Variants in BRINP3 observed in about 807,000 individuals in gnomAD.
The protein encoded by BRINP3 is BMP/retinoic acid inducible neural specific 3, also known as BMP/retinoic acid-inducible neural-specific protein 3.
Under a neutral mutation model 71.0 loss-of-function variants are expected in BRINP3, and 19 were observed. The observed-to-expected ratio is 0.27, with a 90% CI of 0.19 to 0.39. BRINP3 has a LOEUF of 0.39. Among genes scored for constraint, BRINP3 ranks in the 10% least tolerant of loss-of-function variants. The pLI is 1.00. For missense variants in BRINP3, 959 were observed against 940.8 expected, an observed-to-expected ratio of 1.02 and a Z score of -0.25; for synonymous variants, 380 against 337.7, an observed-to-expected ratio of 1.13 and a Z score of -1.37.
chr1:190,100,856 T>C (rs1452847906), intron 7 of BRINP3, among the ~76,000 whole-genome samples: 1 of 152,220 alleles, frequency 6.6e-6, no homozygotes, highest in Non-Finnish European at 1.5e-5. Flanking sequence ...TCCCCCAAAG[T>C]TCATGTGCTG....
chr1:190,376,756 C>A (rs1040320706), intron 2 of BRINP3, among the ~76,000 whole-genome samples: 1 of 151,950 alleles, frequency 6.6e-6, no homozygotes, highest in African/African-American at 2.4e-5. Flanking sequence ...ATAATCAAAT[C>A]CTTCTAAGTT....
In BRINP3 at chr1:190,131,187, T is replaced by G. The variant is rs867818095; in HGVS notation, c.1184+29481A>C. Among the ~76,000 whole-genome samples, 124 of 51,714 alleles carry G rather than the reference T, an allele frequency of 2.4e-3. No homozygotes were observed. The Middle Eastern group carries it at 0.074, about 31-fold the overall frequency. The allele number at this position is 51,714 out of a possible 152,430, so 33.9% of individuals were successfully genotyped here. ...AAGGTTATGTGTGTGTGGCGGGGGG[T>G]GGGGGGTGGGGGGACAGGGAAGCTA... On this transcript the variant is annotated intron_variant, in intron 7 of 7. Coordinates refer to ENST00000367462, the MANE Select transcript of BRINP3 (RefSeq NM_199051.3).
Position 190,097,929 on chromosome 1 carries a change from A to G in BRINP3, c.*89T>C, listed in dbSNP as rs2102229701. On this transcript the variant is annotated 3_prime_UTR_variant, in exon 8 of 8. Transcript: ENST00000367462. ...ATATAAGACAGATATTGAAAAGACA[A>G]TTTAAATTTACTCTTCCAAACATAA... 1 of 1,370,506 alleles carries G rather than the reference A, an allele frequency of 7.3e-7. No homozygotes were observed. The highest frequency in any genetic ancestry group is 9.9e-7 in the Non-Finnish European group (1 of 1,009,880). The allele number at this position is 1,370,506 out of a possible 1,614,324, so 84.9% of individuals were successfully genotyped here.
intron 1 of BRINP3, chr1:190,474,392 T>G (rs1677361528): frequency 6.6e-6 from 1 of 152,536 alleles, no homozygotes; most frequent in Non-Finnish European, 1.5e-5. Context: ...GTCAAGAAAA[T>G]ACATTCATTC....
At chr1:190,286,276 C>T (rs1053924015) in intron 2 of BRINP3, among the ~76,000 whole-genome samples, 2 of 152,148 alleles carry the variant, frequency 1.3e-5, no homozygotes, top group African/African-American at 4.8e-5. Flanking sequence ...TATCCCTACT[C>T]AGCTCATAAA....
At chr1:190,256,927 C>T (rs1227777487) in intron 4 of BRINP3, among the ~76,000 whole-genome samples, 1 of 152,086 alleles carries the variant, frequency 6.6e-6, no homozygotes, top group Non-Finnish European at 1.5e-5. Flanking sequence ...TTATTTTTCC[C>T]TTCATTTCAA....
At chr1:190,243,348 T>C (rs1422241335) in intron 4 of BRINP3, among the ~76,000 whole-genome samples, 1 of 152,084 alleles carries the variant, frequency 6.6e-6, no homozygotes, top group African/African-American at 2.4e-5. Context: ...ACTTTTTTTT[T>C]AGATAACACA....
intron 6 of BRINP3, among the ~76,000 whole-genome samples, chr1:190,178,860 G>A (rs971265610): frequency 2.6e-5 from 4 of 152,064 alleles, no homozygotes; most frequent in Non-Finnish European, 5.9e-5. Flanking sequence ...TATAAGGGAG[G>A]TAATGCATTT....
chr1:190,408,984 G>C (rs1315287476), intron 2 of BRINP3, among the ~76,000 whole-genome samples: 1 of 152,168 alleles, frequency 6.6e-6, no homozygotes, highest in African/African-American at 2.4e-5. Flanking sequence ...GAAGTGGGGG[G>C]AGTTGTTGCT....
intron 2 of BRINP3, among the ~76,000 whole-genome samples, chr1:190,377,169 C>T (rs1163923331): frequency 6.6e-6 from 1 of 151,932 alleles, no homozygotes; most frequent in African/African-American, 2.4e-5. Flanking sequence ...CCTAACCACC[C>T]CTGTACATGC....
intron 6 of BRINP3, among the ~76,000 whole-genome samples, chr1:190,219,888 A>C (rs1291061643): frequency 6.6e-6 from 1 of 151,508 alleles, no homozygotes; most frequent in East Asian, 1.9e-4. Context: ...AGGGAAATAC[A>C]CAGTCAGAGG....
chr1:190,196,528 G>C (rs895981246), intron 6 of BRINP3, among the ~76,000 whole-genome samples: 2 of 152,098 alleles, frequency 1.3e-5, no homozygotes, highest in African/African-American at 4.8e-5. Flanking sequence ...AAATCCAAGA[G>C]AGAAGCACAT....
intron 2 of BRINP3, among the ~76,000 whole-genome samples, chr1:190,423,047 G>T (rs1673483679): frequency 6.6e-6 from 1 of 151,760 alleles, no homozygotes; most frequent in African/African-American, 2.4e-5. Context: ...ATCCTTCTCA[G>T]TAGAAAATAA....
At chr1:190,452,149 A>C (rs1675651140) in intron 2 of BRINP3, among the ~76,000 whole-genome samples, 1 of 152,178 alleles carries the variant, frequency 6.6e-6, no homozygotes, top group African/African-American at 2.4e-5. Flanking sequence ...TTTTATGGCA[A>C]ACATTAATGA....
At chr1:190,150,904 A>C (rs1366955372) in intron 7 of BRINP3, among the ~76,000 whole-genome samples, 2 of 152,204 alleles carry the variant, frequency 1.3e-5, no homozygotes, top group Non-Finnish European at 2.9e-5. Context: ...AGATAAAGAT[A>C]AATAATTCTG....
chr1:190,439,541 G>C (rs924963127), intron 2 of BRINP3, among the ~76,000 whole-genome samples: 2 of 151,896 alleles, frequency 1.3e-5, no homozygotes, highest in Admixed American at 1.3e-4. Flanking sequence ...ACGTGTGTGT[G>C]TGTATGTGTA....
At chr1:190,175,249 G>A (rs1652401453) in intron 6 of BRINP3, among the ~76,000 whole-genome samples, 1 of 152,054 alleles carries the variant, frequency 6.6e-6, no homozygotes, top group African/African-American at 2.4e-5. Flanking sequence ...TTATCAGAGG[G>A]ATTGATCTAG....
chr1:190,120,043 G>A (rs77027756), intron 7 of BRINP3, among the ~76,000 whole-genome samples: 3 of 152,322 alleles, frequency 2.0e-5, no homozygotes, highest in African/African-American at 7.2e-5. Flanking sequence ...ACTGCTAGAC[G>A]AGCATTGTTT....
At chr1:190,107,704 C>T (rs1177994768) in intron 7 of BRINP3, among the ~76,000 whole-genome samples, 1 of 151,928 alleles carries the variant, frequency 6.6e-6, no homozygotes, top group East Asian at 1.9e-4. Context: ...TATTGTTACA[C>T]TAGAATCCCT....
Sources: gnomAD v4.1 joint callset for allele counts (sites outside exome capture counted in the v4.1 genomes callset) on GRCh38, gnomAD v4.1.1 for gene constraint, MANE v1.5 for transcripts, NCBI Gene and HGNC (gene_info 2026-07-23, HGNC 2026-07-21) for gene names.